FSTL5: variants seen among roughly 807,000 people sequenced by gnomAD.
FSTL5 encodes follistatin like 5, also known as follistatin-related protein 5.
A neutral mutation model predicts 89.1 loss-of-function variants in FSTL5; 62 were observed. That is an observed-to-expected ratio of 0.70 (90% CI 0.57 to 0.86). The LOEUF (loss-of-function observed/expected upper bound fraction) is 0.86, where lower values mean the gene tolerates loss of function less well. FSTL5 is among the 40% of genes least tolerant of loss of function. The pLI, the probability that FSTL5 is intolerant of heterozygous loss-of-function variation, is 0.00. For synonymous variants in FSTL5, 383 were observed against 346.2 expected, an observed-to-expected ratio of 1.11 and a Z score of -1.18; for missense variants, 1,057 against 1,001.6, an observed-to-expected ratio of 1.06 and a Z score of -0.75.
chr4:161,654,242 T>A (rs555971866), intron 7 of FSTL5, among the ~76,000 whole-genome samples: 37 of 152,264 alleles, frequency 2.4e-4, no homozygotes, highest in African/African-American at 8.9e-4. Context: ...TCATAGCATA[T>A]ACTTTCAAAT....
At chr4:161,694,769 A>G (rs1385531209) in intron 6 of FSTL5, among the ~76,000 whole-genome samples, 1 of 146,330 alleles carries the variant, frequency 6.8e-6, no homozygotes, top group Non-Finnish European at 1.5e-5. Context: ...ATTTTTCTCT[A>G]TTCCCAGGGA....
rs201586047 is a variant in FSTL5 at position 162,021,175 on chromosome 4, A to T, written c.160+12450T>A. ...CAGAACTTCCCATCTTGCAATGGAT[A>T]CAGTATAGTCTATACTGGCTACTAC... On this transcript the variant is annotated intron_variant, in intron 3 of 15. Coordinates refer to ENST00000306100, the MANE Select transcript of FSTL5 (RefSeq NM_020116.5). Among the ~76,000 whole-genome samples, 6 of 152,286 alleles carry T rather than the reference A, an allele frequency of 3.9e-5. No individual in the cohort carries two copies. The East Asian group carries it at 1.2e-3, about 29-fold the overall frequency.
At chr4:162,091,673 A>C (rs1730554862) in intron 2 of FSTL5, among the ~76,000 whole-genome samples, 1 of 152,088 alleles carries the variant, frequency 6.6e-6, no homozygotes, top group Non-Finnish European at 1.5e-5. Flanking sequence ...TCCTCTGCTA[A>C]TGTAAGTACA....
At chr4:161,401,880 A>G (rs763785799) in intron 15 of FSTL5, among the ~76,000 whole-genome samples, 1 of 152,178 alleles carries the variant, frequency 6.6e-6, no homozygotes, top group Non-Finnish European at 1.5e-5. Context: ...GTTCACTTGA[A>G]TGGAAATTAT....
chr4:162,109,147 G>T (rs761932233), intron 2 of FSTL5, among the ~76,000 whole-genome samples: 3 of 152,010 alleles, frequency 2.0e-5, no homozygotes, highest in Non-Finnish European at 4.4e-5. Context: ...GTGGGAAAAG[G>T]AAGGCCAGAA....
At chr4:162,125,890 G>A (rs754862068) in intron 1 of FSTL5, among the ~76,000 whole-genome samples, 1 of 151,840 alleles carries the variant, frequency 6.6e-6, no homozygotes, top group Non-Finnish European at 1.5e-5. Context: ...TGTGTTTACT[G>A]TTGTATATCT....
intron 13 of FSTL5, among the ~76,000 whole-genome samples, chr4:161,474,542 G>GCGT (rs1734056161): frequency 3.8e-5 from 4 of 104,488 alleles, no homozygotes; most frequent in Non-Finnish European, 6.3e-5. Context: ...TTATTGTGTA[G>GCGT]TGGTTTTTTT....
chr4:161,976,628 C>T lies in FSTL5; in HGVS notation c.161-55976G>A, dbSNP rs185014564. Reference sequence around the variant, plus strand: ...TCTCGAGTAGCTGGGACTACAGGCGCCCGCCACCACGCCTGGCTAATTTTT... The same window carrying T: ...TCTCGAGTAGCTGGGACTACAGGCGTCCGCCACCACGCCTGGCTAATTTTT... On this transcript the variant is annotated intron_variant, in intron 3 of 15. Transcript: ENST00000306100. Among the ~76,000 whole-genome samples the T allele has an allele frequency of 9.6e-3, 1,454 of 152,120 alleles. 25 individuals are homozygous for T. Among genetic ancestry groups the T allele is most frequent in the African/African-American group, 0.032 (1,318 of 41,502 alleles).
At position 162,117,339 on chromosome 4, in the gene FSTL5, G is replaced by A. The variant is rs553402531; in HGVS notation, c.-16-5927C>T. Among the ~76,000 whole-genome samples the A allele has an allele frequency of 5.9e-5, 9 of 152,326 alleles. No individual in the cohort carries two copies. In the South Asian group the frequency reaches 1.7e-3, roughly 28 times the overall value. ...TATCAAGTTGGAGAAGAGAAAGGGG[G>A]AATAACAGGTTTGGGAGAGCAAATG... On this transcript the variant is annotated intron_variant, in intron 1 of 15. Coordinates refer to ENST00000306100, the MANE Select transcript of FSTL5 (RefSeq NM_020116.5).
At chr4:162,102,188 G>A (rs1489385558) in intron 2 of FSTL5, among the ~76,000 whole-genome samples, 3 of 151,752 alleles carry the variant, frequency 2.0e-5, no homozygotes, top group Non-Finnish European at 4.4e-5. Flanking sequence ...AAAAGACTTT[G>A]GAAGTCCAAC....
intron 2 of FSTL5, among the ~76,000 whole-genome samples, chr4:162,071,903 T>C (rs1015358976): frequency 1.3e-5 from 2 of 151,840 alleles, no homozygotes; most frequent in Non-Finnish European, 2.9e-5. Context: ...TAATGATGAA[T>C]GGGTCAGTGA....
At chr4:161,638,542 G>A (rs1235299395) in intron 7 of FSTL5, among the ~76,000 whole-genome samples, 2 of 151,618 alleles carry the variant, frequency 1.3e-5, no homozygotes, top group African/African-American at 2.4e-5. Flanking sequence ...GGACCAGATG[G>A]ATTCACAGCT....
intron 5 of FSTL5, among the ~76,000 whole-genome samples, chr4:161,770,644 G>C (rs893084454): frequency 6.6e-6 from 1 of 151,652 alleles, no homozygotes; most frequent in African/African-American, 2.4e-5. Flanking sequence ...TCTTGTTCAA[G>C]ACAACGTTTT....
intron 4 of FSTL5, among the ~76,000 whole-genome samples, chr4:161,806,255 T>C (rs1729961911): frequency 1.3e-5 from 2 of 152,138 alleles, no homozygotes; most frequent in African/African-American, 2.4e-5. Context: ...GAGAGTTTCT[T>C]TGAGTTAGAC....
intron 4 of FSTL5, among the ~76,000 whole-genome samples, chr4:161,833,992 T>A (rs1428498853): frequency 6.6e-6 from 1 of 151,960 alleles, no homozygotes; most frequent in Non-Finnish European, 1.5e-5. Flanking sequence ...GTCTTTACAA[T>A]TTGGCATGAA....
At chr4:161,927,054 G>T (rs537720757) in intron 3 of FSTL5, among the ~76,000 whole-genome samples, 2 of 151,868 alleles carry the variant, frequency 1.3e-5, no homozygotes, top group South Asian at 4.1e-4. Flanking sequence ...GTTCTAAAGT[G>T]TTTTAATTCA....
chr4:161,963,966 T>C (rs574096487), intron 3 of FSTL5, among the ~76,000 whole-genome samples: 2 of 151,976 alleles, frequency 1.3e-5, no homozygotes, highest in Non-Finnish European at 2.9e-5. Flanking sequence ...TGAGGTTATA[T>C]ACAGAATTGA....
chr4:161,544,263 T>G (rs1447768796), intron 8 of FSTL5, among the ~76,000 whole-genome samples: 1 of 146,460 alleles, frequency 6.8e-6, no homozygotes, highest in African/African-American at 2.4e-5. Context: ...TGATTGAGTA[T>G]GTGGAGAAAC....
At chr4:161,792,717 C>G (rs1729517425) in intron 4 of FSTL5, among the ~76,000 whole-genome samples, 2 of 152,168 alleles carry the variant, frequency 1.3e-5, no homozygotes, top group South Asian at 4.1e-4. Flanking sequence ...TGACTAGCAG[C>G]TACCCACTCC....
Sources: allele counts gnomAD v4.1 joint callset (sites outside exome capture counted in the v4.1 genomes callset), GRCh38; gene constraint gnomAD v4.1.1; transcripts MANE v1.5; gene names NCBI Gene and HGNC (gene_info 2026-07-23, HGNC 2026-07-21).